The following PTAFR variants were observed in gnomAD, a reference collection of about 807,000 sequenced individuals.
The protein encoded by PTAFR is platelet-activating factor receptor.
A neutral mutation model predicts 14.7 loss-of-function variants in PTAFR; 8 were observed. The observed-to-expected ratio is 0.54, with a 90% CI of 0.32 to 0.98. The LOEUF (loss-of-function observed/expected upper bound fraction) is 0.98, where lower values mean the gene tolerates loss of function less well. PTAFR is among the 50% of genes least tolerant of loss of function. The pLI, the probability that PTAFR is intolerant of heterozygous loss-of-function variation, is 0.04. For synonymous variants in PTAFR, 156 were observed against 176.5 expected (o/e 0.88, Z 0.92); for missense variants, 337 against 451.2 (o/e 0.75, Z 2.29).
chr1:28,150,582 C>A lies in PTAFR; in HGVS notation c.440G>T (p.Gly147Val). 6.2e-7 allele frequency: 1 copy of A among 1,614,148 alleles called. No homozygotes were observed. The highest frequency in any genetic ancestry group is 8.5e-7 in the Non-Finnish European group (1 of 1,180,016). The change falls in exon 2 of 2, where the codon GGA becomes GTA. Residue 147 changes from glycine (G) to valine (V), a missense_variant. Gly to Val is a moderately radical substitution (Grantham distance 109). Coordinates refer to ENST00000373857, the MANE Select transcript of PTAFR (RefSeq NM_000952.5). The surrounding 1 kb of genome is among the most constrained non-coding windows in gnomAD (Gnocchi z 6.3). ...LSLVIWVAIVGAASYFLILDS... is the reference protein window; with the variant it reads ...LSLVIWVAIVVAASYFLILDS... ...CAGGATGAGGAAGTAGGATGCAGCT[C>A]CCACAATGGCCACCCAGATGACCAA...
At chr1:28,180,295 G>A (rs1022118113), upstream of PTAFR, among the ~76,000 whole-genome samples, 1 of 152,118 alleles carries the variant, frequency 6.6e-6, no homozygotes, top group African/African-American at 2.4e-5. Flanking sequence ...CAGGAGAATT[G>A]CCTGAACCCG....
chr1:28,184,684 G>A (rs1238253810), intron 1 of PTAFR, among the ~76,000 whole-genome samples: 1 of 151,520 alleles, frequency 6.6e-6, no homozygotes, highest in Non-Finnish European at 1.5e-5. Flanking sequence ...CTGTTGCCCA[G>A]GCTGGAGTTC....
chr1:28,151,312 T>G (rs1234087780), intron 1 of PTAFR, among the ~76,000 whole-genome samples: 2 of 151,984 alleles, frequency 1.3e-5, no homozygotes, highest in African/African-American at 4.8e-5. Flanking sequence ...CCCAAGTAGC[T>G]GGGATTACAG....
chr1:28,176,021 G>T (rs1490682670), intron 1 of PTAFR, among the ~76,000 whole-genome samples: 1 of 152,020 alleles, frequency 6.6e-6, no homozygotes, highest in African/African-American at 2.4e-5. Flanking sequence ...GGGATCTCTG[G>T]GGTCAGCACT....
rs768097790 is a variant in PTAFR, at chr1:28,150,320, C to T, written c.702G>A (p.Val234=). ...TGATGAACACCGCCAAGACCGTGCA[C>T]ACCATCCACAGCGCCCGGCGCTTGA... The part of the protein sequence containing the change: ...AEVKRRALWM[V]CTVLAVFIIC... Residue 234 remains valine, a synonymous_variant, in exon 2 of 2, where the codon GTG becomes GTA. Coordinates refer to ENST00000373857, the MANE Select transcript of PTAFR (RefSeq NM_000952.5). This position sits in a 1 kb window ranked among gnomAD's most constrained non-coding sequence, Gnocchi z 6.3. 1 of 1,613,726 alleles carries T rather than the reference C, an allele frequency of 6.2e-7. No individual in the cohort carries two copies. The highest frequency in any genetic ancestry group is 1.1e-5 in the South Asian group (1 of 91,042).
At chr1:28,177,714 T>C (rs1646529384), upstream of PTAFR, among the ~76,000 whole-genome samples, 1 of 152,112 alleles carries the variant, frequency 6.6e-6, no homozygotes, top group Admixed American at 6.6e-5. Flanking sequence ...TTTGATTAGA[T>C]TCAAATTTGG....
intron 1 of PTAFR, among the ~76,000 whole-genome samples, chr1:28,187,666 AAAGGTGGGGTTTCGC>A (rs1472169230): frequency 6.6e-6 from 1 of 151,982 alleles, no homozygotes; most frequent in Non-Finnish European, 1.5e-5. Context: ...TATTTTTTGT[AAAGGTGGGGTTTCGC>A]CATGTTGCCC....
At chr1:28,174,754 A>G (rs1408535593) in intron 1 of PTAFR, among the ~76,000 whole-genome samples, 5 of 152,218 alleles carry the variant, frequency 3.3e-5, no homozygotes, top group Non-Finnish European at 7.3e-5. Flanking sequence ...ACAACAGTGA[A>G]CAAAACAGTT....
chr1:28,171,079 C>G (rs1044369505), intron 1 of PTAFR, among the ~76,000 whole-genome samples: 3 of 151,482 alleles, frequency 2.0e-5, no homozygotes, highest in African/African-American at 7.3e-5. Context: ...TCCCAGCACT[C>G]TGGGAGGCCG....
intron 1 of PTAFR, among the ~76,000 whole-genome samples, chr1:28,189,481 C>T (rs928015960): frequency 2.0e-5 from 3 of 151,574 alleles, no homozygotes; most frequent in South Asian, 2.1e-4. Context: ...GGCATGGTGG[C>T]GCGCGCCTGT....
rs187645827 is a variant in PTAFR at position 28,154,756 on chromosome 1, G to A, written c.-38-3697C>T. ...GAACTTGGGAGGCAGAGGTTGCAGT[G>A]AGCCCAGATCATGCCTTTGCGCTCC... is the stretch of plus-strand genomic sequence containing the variant. On this transcript the variant is annotated intron_variant, in intron 1 of 1. Transcript: ENST00000373857. 2.5e-3 allele frequency among the ~76,000 whole-genome samples: 343 copies of A among 136,832 alleles called. 1 individual carries two copies. The highest frequency in any genetic ancestry group is 2.0e-3 in the Non-Finnish European group (130 of 65,518). The allele number at this position is 136,832 out of a possible 152,430, so 89.8% of individuals were successfully genotyped here. A position where few individuals can be genotyped will look rare whatever the true frequency, so the allele number is the denominator to read the frequency against.
intron 1 of PTAFR, among the ~76,000 whole-genome samples, chr1:28,151,879 T>A (rs1278924617): frequency 6.6e-6 from 1 of 151,980 alleles, no homozygotes; most frequent in Non-Finnish European, 1.5e-5. Context: ...CTCTTCCTTT[T>A]TTCTCTTCTT....
intron 1 of PTAFR, among the ~76,000 whole-genome samples, chr1:28,168,503 A>C (rs1557692162): frequency 6.6e-6 from 1 of 152,164 alleles, no homozygotes; most frequent in Non-Finnish European, 1.5e-5. Flanking sequence ...AAGCCAGCTC[A>C]CAGGAAGACA....
intron 1 of PTAFR, among the ~76,000 whole-genome samples, chr1:28,154,262 G>A (rs1462554652): frequency 1.3e-5 from 2 of 152,050 alleles, no homozygotes; most frequent in Non-Finnish European, 1.5e-5. Flanking sequence ...AGCTGACTAC[G>A]GGGTGGTTAT....
intron 1 of PTAFR, among the ~76,000 whole-genome samples, chr1:28,174,669 G>A (rs1177768227): frequency 6.6e-6 from 1 of 152,158 alleles, no homozygotes; most frequent in Non-Finnish European, 1.5e-5. Context: ...TGCAAAAACC[G>A]CTTCATCATT....
chr1:28,157,912 T>G (rs1031132697), intron 1 of PTAFR, among the ~76,000 whole-genome samples: 11 of 151,886 alleles, frequency 7.2e-5, no homozygotes, highest in Non-Finnish European at 1.5e-4. Context: ...TTACAGGCAT[T>G]AGCCACCACG....
At chr1:28,154,837 G>C (rs530132833) in intron 1 of PTAFR, among the ~76,000 whole-genome samples, 2 of 150,600 alleles carry the variant, frequency 1.3e-5, no homozygotes, top group Admixed American at 1.3e-4. Context: ...AAAAAGTGGG[G>C]GGGGAGGGAG....
intron 1 of PTAFR, among the ~76,000 whole-genome samples, chr1:28,160,236 TA>T (rs879385380): frequency 0.015 from 1,917 of 125,744 alleles, 20 homozygotes; most frequent in Non-Finnish European, 0.016. Flanking sequence ...AAAAAAGAAT[TA>T]AAAAAAAAAA....
chr1:28,164,806 A>G (rs1298859274), intron 1 of PTAFR, among the ~76,000 whole-genome samples: 2 of 152,164 alleles, frequency 1.3e-5, no homozygotes, highest in Admixed American at 1.3e-4. Flanking sequence ...TGGGAGCTCC[A>G]GATGCTGTGA....
Sources: gnomAD v4.1 joint callset for allele counts (sites outside exome capture counted in the v4.1 genomes callset) on GRCh38, gnomAD v4.1.1 for gene constraint, Gnocchi (gnomAD v3.1) non-coding constraint, MANE v1.5 for transcripts, NCBI Gene and HGNC (gene_info 2026-07-23, HGNC 2026-07-21) for gene names.